Variants in ZNF665 observed in about 807,000 individuals in gnomAD.
ZNF665 encodes zinc finger protein 665.
ZNF665 carries 6 observed loss-of-function variants against 7.9 expected under a neutral mutation model. The observed-to-expected ratio is 0.76, with a 90% CI of 0.42 to 1.50. The LOEUF is 1.50. ZNF665 is among the 40% of genes most tolerant of loss of function. ZNF665 has a pLI of 0.01. For missense variants in ZNF665, 819 were observed against 806.7 expected (o/e 1.02, Z -0.18); for synonymous variants, 242 against 274.5 (o/e 0.88, Z 1.17).
At chr19:53,175,275 G>A (rs1157257293) in intron 3 of ZNF665, among the ~76,000 whole-genome samples, 170 bp downstream of exon 3, 1 of 152,120 alleles carries the variant, frequency 6.6e-6, no homozygotes, top group Non-Finnish European at 1.5e-5. Context: ...AGACCATCTC[G>A]AGAAACAGCA....
intron 3 of ZNF665, among the ~76,000 whole-genome samples, chr19:53,166,824 A>C (rs541315851): frequency 1.8e-4 from 28 of 152,334 alleles, no homozygotes; most frequent in African/African-American, 4.8e-4. Flanking sequence ...AGAACTAGTA[A>C]TTTTGAATTG....
At chr19:53,185,482 T>G (rs899205941) in intron 1 of ZNF665, among the ~76,000 whole-genome samples, 1 of 152,088 alleles carries the variant, frequency 6.6e-6, no homozygotes, top group Non-Finnish European at 1.5e-5. Flanking sequence ...GGGTAACTGC[T>G]ACAAACAAAT....
intron 3 of ZNF665, among the ~76,000 whole-genome samples, chr19:53,174,538 AT>A (rs2090681885): frequency 6.6e-6 from 1 of 152,086 alleles, no homozygotes; most frequent in Non-Finnish European, 1.5e-5. Context: ...CCCACCTCTG[AT>A]CCACTCCCAG....
intron 1 of ZNF665, among the ~76,000 whole-genome samples, chr19:53,189,067 G>C (rs1433111130): frequency 1.3e-5 from 2 of 151,876 alleles, no homozygotes; most frequent in African/African-American, 4.8e-5. Context: ...GTGTGTGTGT[G>C]TGTGTGTGTG....
At chr19:53,182,749 C>A in intron 2 of ZNF665, 135 bp downstream of exon 2, 2 of 1,433,352 alleles carry the variant, frequency 1.4e-6, no homozygotes, top group Non-Finnish European at 2.0e-6. Context: ...ATGAGAGGGA[C>A]TGAGGGAAGG....
At chr19:53,171,524 A>ATATATATATATATATTTTTTT (rs372855271) in intron 3 of ZNF665, among the ~76,000 whole-genome samples, 2 of 69,322 alleles carry the variant, frequency 2.9e-5, no homozygotes, top group Admixed American at 2.2e-4. Context: ...ATATATATAT[A>ATATATATATATATATTTTTTT]TTTTTTTTTT....
At chr19:53,169,085 A>C (rs2090638565) in intron 3 of ZNF665, among the ~76,000 whole-genome samples, 1 of 152,152 alleles carries the variant, frequency 6.6e-6, no homozygotes, top group Non-Finnish European at 1.5e-5. Flanking sequence ...TAAAAGAAAA[A>C]AAAGAATTAA....
At chr19:53,189,869 A>G (rs560455595) in intron 1 of ZNF665, among the ~76,000 whole-genome samples, 21 of 152,038 alleles carry the variant, frequency 1.4e-4, no homozygotes, top group Admixed American at 3.3e-4. Context: ...GGCAACGGGC[A>G]TCTTCCCAGA....
In ZNF665 at chr19:53,175,405, C is replaced by A. The variant is rs79131937; in HGVS notation, c.142+40G>T. On this transcript the variant is annotated intron_variant, in intron 3 of 3. Transcript: ENST00000396424. ...TCACAAGGGAAAATGAAAACATACA[C>A]GAGAACAGACCCTGACTTCTAAAAG... 1.2e-4 allele frequency: 191 copies of A among 1,591,992 alleles called. No homozygotes were observed. The African/African-American group carries it at 1.6e-3, about 14-fold the overall frequency.
chr19:53,167,063 G>A lies in ZNF665; in HGVS notation c.143-716C>T, dbSNP rs547656923. Among the ~76,000 whole-genome samples, 11 of 152,068 alleles carry A rather than the reference G, an allele frequency of 7.2e-5. No homozygotes were observed. The East Asian group carries it at 1.9e-3, about 27-fold the overall frequency. On this transcript the variant is annotated intron_variant, in intron 3 of 3. Transcript: ENST00000396424. ...TGTTGCCCAGGCTGGAGTGAGTGGT[G>A]CAATCTCGGCTCACCGCAACCTCCG... is the stretch of plus-strand genomic sequence containing the variant.
intron 1 of ZNF665, among the ~76,000 whole-genome samples, chr19:53,191,477 T>G (rs542473675): frequency 1.3e-5 from 2 of 152,306 alleles, no homozygotes; most frequent in African/African-American, 4.8e-5. Context: ...TGCACATGTC[T>G]TATAGACAAA....
chr19:53,178,740 AG>A (rs1332275114), intron 2 of ZNF665, among the ~76,000 whole-genome samples: 3 of 152,218 alleles, frequency 2.0e-5, no homozygotes, highest in Non-Finnish European at 4.4e-5. Flanking sequence ...TTAAAATCTC[AG>A]GGGTAAGCAA....
At chr19:53,185,607 C>CT (rs2090772325) in intron 1 of ZNF665, among the ~76,000 whole-genome samples, 1 of 152,058 alleles carries the variant, frequency 6.6e-6, no homozygotes, top group Non-Finnish European at 1.5e-5. Flanking sequence ...GCCTCAGCAC[C>CT]TGGGTGGCTT....
chr19:53,176,230 C>A (rs982418149), intron 2 of ZNF665, among the ~76,000 whole-genome samples: 2 of 152,064 alleles, frequency 1.3e-5, no homozygotes, highest in African/African-American at 4.8e-5. Flanking sequence ...CAATCTCCAA[C>A]ACTGCAAAAG....
chr19:53,171,525 T>TATATATATATATATATATATA (rs1555804190), intron 3 of ZNF665, among the ~76,000 whole-genome samples: 3 of 37,262 alleles, frequency 8.1e-5, no homozygotes, highest in Non-Finnish European at 1.5e-4. Flanking sequence ...TATATATATA[T>TATATATATATATATATATATA]TTTTTTTTTT....
intron 1 of ZNF665, 114 bp from the exon 2 acceptor site, chr19:53,183,057 G>A (rs1453903284): frequency 1.2e-5 from 14 of 1,149,528 alleles, no homozygotes; most frequent in Non-Finnish European, 1.8e-5. Context: ...ACACAGGGAA[G>A]ACCTTATACA....
rs1194185547 is a variant in ZNF665, at chr19:53,165,379, C to T, written c.1111G>A (p.Glu371Lys). ...LAKHRRIHTG[E>K]KPYKCNECGK... ...CACTCATTACACTTGTAAGGTTTCT[C>T]ACCAGTATGAATTCGCCGATGCTTT... Residue 371 changes from glutamate (E) to lysine (K), a missense_variant, in exon 4 of 4, where the codon GAG becomes AAG. By Grantham distance (56) the Glu-to-Lys change is moderately conservative (BLOSUM62 1). Coordinates refer to ENST00000396424, the MANE Select transcript of ZNF665 (RefSeq NM_024733.5). 2 of 1,614,174 alleles carry T rather than the reference C, an allele frequency of 1.2e-6. No individual in the cohort carries two copies. The highest frequency in any genetic ancestry group is 2.2e-5 in the South Asian group (2 of 91,080).
At chr19:53,170,042 T>C (rs1163033167) in intron 3 of ZNF665, among the ~76,000 whole-genome samples, 2 of 143,896 alleles carry the variant, frequency 1.4e-5, no homozygotes, top group Non-Finnish European at 3.0e-5. Context: ...CCTTTGGGTA[T>C]AAACCCAGTA....
chr19:53,175,767 G>A (rs2090693455), intron 2 of ZNF665, among the ~76,000 whole-genome samples, 196 bp from the exon 3 acceptor site: 2 of 152,184 alleles, frequency 1.3e-5, no homozygotes, highest in Admixed American at 6.5e-5. Context: ...AATCTGTGAG[G>A]TGATAAGTAT....
Sources: gnomAD v4.1 joint callset for allele counts (sites outside exome capture counted in the v4.1 genomes callset) on GRCh38, gnomAD v4.1.1 for gene constraint, MANE v1.5 for transcripts, NCBI Gene and HGNC (gene_info 2026-07-23, HGNC 2026-07-21) for gene names.